The following RIMS1 variants were observed in gnomAD, a reference collection of about 807,000 sequenced individuals.
The protein encoded by RIMS1 is regulating synaptic membrane exocytosis 1.
RIMS1 carries 83 observed loss-of-function variants against 214.1 expected under a neutral mutation model. That is an observed-to-expected ratio of 0.39 (90% confidence interval 0.32 to 0.47). RIMS1 has a LOEUF of 0.47. Ranked by LOEUF, RIMS1 falls within the 20% of genes least tolerant of loss-of-function variation. The pLI, the probability that RIMS1 is intolerant of heterozygous loss-of-function variation, is 0.99. For missense variants in RIMS1, 2,050 were observed against 2,161.8 expected, an observed-to-expected ratio of 0.95 and a Z score of 1.03; for synonymous variants, 793 against 786.8, an observed-to-expected ratio of 1.01 and a Z score of -0.13.
At chr6:71,994,527 A>G (rs966877090) in intron 2 of RIMS1, among the ~76,000 whole-genome samples, 1 of 152,188 alleles carries the variant, frequency 6.6e-6, no homozygotes, top group Non-Finnish European at 1.5e-5. Context: ...TTGATAATAT[A>G]ATGGGGACAT....
intron 2 of RIMS1, among the ~76,000 whole-genome samples, chr6:72,012,789 CAT>C (rs1317040143): frequency 3.9e-5 from 6 of 152,164 alleles, no homozygotes; most frequent in Non-Finnish European, 8.8e-5. Context: ...TAGAGAATCA[CAT>C]GACTTAAATT....
intron 2 of RIMS1, among the ~76,000 whole-genome samples, chr6:72,039,220 A>C (rs1023053995): frequency 1.3e-5 from 2 of 152,248 alleles, no homozygotes; most frequent in Admixed American, 6.6e-5. Context: ...GTTTCAAATA[A>C]TGTTGATTGA....
intron 2 of RIMS1, among the ~76,000 whole-genome samples, chr6:72,051,551 G>A (rs116353719): frequency 8.5e-5 from 13 of 152,184 alleles, no homozygotes; most frequent in African/African-American, 2.4e-4. Context: ...ATGCCTAGTC[G>A]TGGCTTGTGA....
At chr6:71,908,319 G>T (rs1582322360) in intron 1 of RIMS1, among the ~76,000 whole-genome samples, 1 of 152,160 alleles carries the variant, frequency 6.6e-6, no homozygotes, top group Non-Finnish European at 1.5e-5. Context: ...TGAGGCATCC[G>T]TTGGTCTATA....
chr6:72,043,288 A>G (rs1163062655), intron 2 of RIMS1, among the ~76,000 whole-genome samples: 1 of 151,906 alleles, frequency 6.6e-6, no homozygotes, highest in Non-Finnish European at 1.5e-5. Flanking sequence ...AGGAAAGAGA[A>G]AAGGTATGAT....
chr6:71,994,610 G>A (rs1241310378), intron 2 of RIMS1, among the ~76,000 whole-genome samples: 1 of 152,082 alleles, frequency 6.6e-6, no homozygotes, highest in Non-Finnish European at 1.5e-5. Flanking sequence ...TATCCAAATG[G>A]TATTTTTCTA....
chr6:72,288,795 C>T (rs1000808153), intron 24 of RIMS1, among the ~76,000 whole-genome samples: 3 of 152,148 alleles, frequency 2.0e-5, no homozygotes, highest in African/African-American at 4.8e-5. Flanking sequence ...TGGCTTTCTA[C>T]GCTTCTCCTT....
At chr6:72,124,831 G>C (rs890507563) in intron 4 of RIMS1, among the ~76,000 whole-genome samples, 4 of 152,058 alleles carry the variant, frequency 2.6e-5, no homozygotes, top group Admixed American at 1.3e-4. Context: ...GCTCCATCAG[G>C]TCATTTAAGG....
chr6:71,982,277 A>T (rs1562022770), intron 2 of RIMS1, among the ~76,000 whole-genome samples: 1 of 152,126 alleles, frequency 6.6e-6, no homozygotes, highest in Non-Finnish European at 1.5e-5. Context: ...ACCTCAGCTG[A>T]TAATCTTGGG....
chr6:72,132,280 A>G (rs920538882), intron 4 of RIMS1, among the ~76,000 whole-genome samples: 5 of 152,210 alleles, frequency 3.3e-5, no homozygotes, highest in African/African-American at 4.8e-5. Flanking sequence ...AAAGACAGGC[A>G]TAAGAAATTA....
At chr6:72,006,586 G>T (rs1007307165) in intron 2 of RIMS1, among the ~76,000 whole-genome samples, 2 of 152,178 alleles carry the variant, frequency 1.3e-5, no homozygotes, top group Non-Finnish European at 2.9e-5. Context: ...CAAGGAAAGG[G>T]GTGACAGATG....
At chr6:72,236,044 A>G (rs2063888428) in intron 8 of RIMS1, among the ~76,000 whole-genome samples, 1 of 152,098 alleles carries the variant, frequency 6.6e-6, no homozygotes, top group Non-Finnish European at 1.5e-5. Context: ...ATAGTTTTGT[A>G]AGAATTTTTT....
At chr6:72,238,426 T>C (rs2065220768) in intron 9 of RIMS1, among the ~76,000 whole-genome samples, 1 of 152,100 alleles carries the variant, frequency 6.6e-6, no homozygotes, top group Admixed American at 6.5e-5. Context: ...GATTGTATAA[T>C]AAAATATTAG....
chr6:72,047,991 A>G (rs1186036925), intron 2 of RIMS1, among the ~76,000 whole-genome samples: 2 of 152,212 alleles, frequency 1.3e-5, no homozygotes, highest in East Asian at 3.8e-4. Context: ...TATACATTCA[A>G]AAATTATTTG....
chr6:72,252,857 T>C lies in RIMS1; in HGVS notation c.2770+25T>C, dbSNP rs1184946048. 6 of 1,514,750 alleles carry C rather than the reference T, an allele frequency of 4.0e-6. No homozygotes were observed. In the East Asian group the frequency reaches 1.2e-4, roughly 31 times the overall value. The allele number at this position is 1,514,750 out of a possible 1,614,324, so 93.8% of individuals were successfully genotyped here. A position where few individuals can be genotyped will look rare whatever the true frequency, so the allele number is the denominator to read the frequency against. On this transcript the variant is annotated intron_variant, in intron 16 of 33. Transcript: ENST00000521978. ...GGTGCGTGGGTGAGGAGCATGACCC[T>C]GCTTCACTGTGCTGCTTTGCTTGTT...
intron 29 of RIMS1, among the ~76,000 whole-genome samples, chr6:72,378,967 T>C (rs1266676602): frequency 6.6e-6 from 1 of 152,230 alleles, no homozygotes; most frequent in Non-Finnish European, 1.5e-5. Flanking sequence ...TCTGAGACTT[T>C]GTGGGGAAGA....
At chr6:72,022,769 A>T (rs1037263473) in intron 2 of RIMS1, among the ~76,000 whole-genome samples, 2 of 152,198 alleles carry the variant, frequency 1.3e-5, no homozygotes, top group African/African-American at 4.8e-5. Context: ...AAAACTTACT[A>T]TCAAACCCAT....
intron 2 of RIMS1, among the ~76,000 whole-genome samples, chr6:71,977,073 T>C (rs1797344671): frequency 6.6e-6 from 1 of 152,126 alleles, no homozygotes; most frequent in Non-Finnish European, 1.5e-5. Flanking sequence ...GGCAGAAATG[T>C]CAGGGACAAC....
intron 6 of RIMS1, among the ~76,000 whole-genome samples, chr6:72,215,359 A>T (rs770869589): frequency 2.0e-5 from 3 of 152,198 alleles, no homozygotes; most frequent in Non-Finnish European, 4.4e-5. Flanking sequence ...CTTTCACAAA[A>T]ACTGACATAA....
Sources: allele counts gnomAD v4.1 joint callset (sites outside exome capture counted in the v4.1 genomes callset), GRCh38; gene constraint gnomAD v4.1.1; transcripts MANE v1.5; gene names NCBI Gene and HGNC (gene_info 2026-07-23, HGNC 2026-07-21).